NLGN1: variants seen among roughly 807,000 people sequenced by gnomAD.
NLGN1 encodes neuroligin-1.
A neutral mutation model predicts 65.5 loss-of-function variants in NLGN1; 12 were observed. The ratio of observed to expected loss-of-function variants is 0.18; its 90% confidence interval spans 0.12 to 0.30. NLGN1 has a LOEUF of 0.30. Ranked by LOEUF, NLGN1 falls within the 10% of genes least tolerant of loss-of-function variation. The probability of loss-of-function intolerance (pLI) is 1.00; values close to 1 mark genes in which losing one functional copy is unlikely to be tolerated. For missense variants in NLGN1, 750 were observed against 1,007.1 expected (o/e 0.74, Z 3.46); for synonymous variants, 350 against 359.5 (o/e 0.97, Z 0.30).
chr3:173,659,971 T>C (rs756602129), intron 3 of NLGN1, among the ~76,000 whole-genome samples: 30 of 152,002 alleles, frequency 2.0e-4, no homozygotes. Context: ...ATTCTGAATT[T>C]ACATACTTGT....
intron 2 of NLGN1, among the ~76,000 whole-genome samples, chr3:173,576,487 A>G (rs1392644866): frequency 6.6e-6 from 1 of 152,152 alleles, no homozygotes; most frequent in African/African-American, 2.4e-5. Flanking sequence ...CCTAGAGACC[A>G]CCTGTTTTCC....
At chr3:173,744,947 C>T (rs755402785) in intron 3 of NLGN1, among the ~76,000 whole-genome samples, 1 of 152,086 alleles carries the variant, frequency 6.6e-6, no homozygotes, top group Non-Finnish European at 1.5e-5. Flanking sequence ...CTGTCAACTT[C>T]AGTTGTTCCC....
intron 2 of NLGN1, among the ~76,000 whole-genome samples, chr3:173,556,899 A>AT (rs1269994731): frequency 3.9e-5 from 6 of 152,022 alleles, no homozygotes; most frequent in South Asian, 4.1e-4. Flanking sequence ...ATTGAAACTT[A>AT]TTTTTTGCCC....
At chr3:173,471,675 C>T (rs964350858) in intron 2 of NLGN1, among the ~76,000 whole-genome samples, 18 of 152,146 alleles carry the variant, frequency 1.2e-4, no homozygotes, top group African/African-American at 4.1e-4. Flanking sequence ...TAACAATAGA[C>T]TTTTAGAGAA....
At chr3:173,485,631 A>T (rs1252581661) in intron 2 of NLGN1, among the ~76,000 whole-genome samples, 1 of 152,126 alleles carries the variant, frequency 6.6e-6, no homozygotes, top group Non-Finnish European at 1.5e-5. Flanking sequence ...CAGCTACATA[A>T]TTTTCTGCAA....
intron 3 of NLGN1, among the ~76,000 whole-genome samples, chr3:173,730,703 G>A (rs572962057): frequency 2.0e-5 from 3 of 151,622 alleles, no homozygotes; most frequent in Admixed American, 6.6e-5. Flanking sequence ...TTCCTCACAC[G>A]CTGCAAATAA....
intron 2 of NLGN1, among the ~76,000 whole-genome samples, chr3:173,564,924 T>A (rs1405475242): frequency 2.0e-5 from 3 of 152,208 alleles, no homozygotes; most frequent in Non-Finnish European, 4.4e-5. Flanking sequence ...ATTAACCACC[T>A]CTATTTGCTG....
chr3:173,872,951 A>G (rs1346555796), intron 4 of NLGN1, among the ~76,000 whole-genome samples: 2 of 152,038 alleles, frequency 1.3e-5, no homozygotes, highest in African/African-American at 4.8e-5. Flanking sequence ...AGGATGTGAA[A>G]CGATCTTAGA....
At chr3:174,024,412 C>T (rs1391091792) in intron 4 of NLGN1, among the ~76,000 whole-genome samples, 5 of 152,050 alleles carry the variant, frequency 3.3e-5, no homozygotes, top group African/African-American at 9.7e-5. Flanking sequence ...AATAGGTTAT[C>T]TGCTATGTCG....
chr3:173,439,415 C>T (rs77524295), intron 2 of NLGN1, among the ~76,000 whole-genome samples: 3,309 of 152,000 alleles, frequency 0.022, 52 homozygotes, highest in South Asian at 0.041. Flanking sequence ...GCGTTATGCT[C>T]CTATTCCCAT....
intron 4 of NLGN1, among the ~76,000 whole-genome samples, chr3:173,908,546 A>G (rs888721268): frequency 6.6e-6 from 1 of 152,070 alleles, no homozygotes; most frequent in African/African-American, 2.4e-5. Flanking sequence ...CAATATAGTA[A>G]TTTCTATCCC....
At position 174,082,717 on chromosome 3, in the gene NLGN1, T is replaced by A. The variant is rs566922615; in HGVS notation, c.647-192598T>A. On this transcript the variant is annotated intron_variant, in intron 4 of 6. Coordinates refer to ENST00000457714, the Ensembl canonical transcript of NLGN1. Reference sequence around the variant, plus strand: ...TTTTACGTGTGTGACAGAATTTCTGTTCATTTTTTTCTTTTTTTTTGAAAC... The same window carrying A: ...TTTTACGTGTGTGACAGAATTTCTGATCATTTTTTTCTTTTTTTTTGAAAC... Among the ~76,000 whole-genome samples, 22 of 152,136 alleles carry A rather than the reference T, an allele frequency of 1.4e-4. No homozygotes were observed. In the South Asian group the frequency reaches 4.4e-3, roughly 30 times the overall value.
At chr3:173,873,234 G>A (rs372542799) in intron 4 of NLGN1, among the ~76,000 whole-genome samples, 4 of 151,946 alleles carry the variant, frequency 2.6e-5, no homozygotes, top group African/African-American at 9.7e-5. Flanking sequence ...GATTACAGGT[G>A]CATGCCACCA....
intron 3 of NLGN1, among the ~76,000 whole-genome samples, chr3:173,635,504 G>T (rs1429117878): frequency 6.6e-6 from 1 of 152,080 alleles, no homozygotes; most frequent in East Asian, 1.9e-4. Flanking sequence ...TGTCGAAAGA[G>T]AAAAACAGTC....
At chr3:173,859,714 G>A (rs1240548375) in intron 4 of NLGN1, among the ~76,000 whole-genome samples, 1 of 151,812 alleles carries the variant, frequency 6.6e-6, no homozygotes, top group East Asian at 1.9e-4. Context: ...GGTAGTAGTG[G>A]AACCAAATAA....
intron 2 of NLGN1, among the ~76,000 whole-genome samples, chr3:173,492,926 T>C (rs1729419762): frequency 6.6e-6 from 1 of 151,786 alleles, no homozygotes; most frequent in South Asian, 2.1e-4. Flanking sequence ...TTAGGAATCC[T>C]GGGTAGAAGG....
At position 173,522,330 on chromosome 3, in the gene NLGN1, C is replaced by T. The variant is rs117731438; in HGVS notation, c.-320-81949C>T. Among the ~76,000 whole-genome samples, 462 of 152,290 alleles carry T rather than the reference C, an allele frequency of 3.0e-3. 9 individuals are homozygous for T. The East Asian group carries it at 0.064, about 21-fold the overall frequency. On this transcript the variant is annotated intron_variant, in intron 2 of 6. Transcript: ENST00000457714. ...ACAGTATTCCATGGTGTATCCATACCACATTTTGTTTATCCAGTCCACCAC... is the reference window on the plus strand; with the variant it reads ...ACAGTATTCCATGGTGTATCCATACTACATTTTGTTTATCCAGTCCACCAC...
intron 2 of NLGN1, among the ~76,000 whole-genome samples, chr3:173,593,244 C>A (rs1748845784): frequency 6.6e-6 from 1 of 152,066 alleles, no homozygotes; most frequent in Admixed American, 6.6e-5. Context: ...ATTTTTGATT[C>A]AAGGGTACAT....
At chr3:174,012,705 A>G (rs573572822) in intron 4 of NLGN1, among the ~76,000 whole-genome samples, 4 of 152,326 alleles carry the variant, frequency 2.6e-5, no homozygotes, top group Non-Finnish European at 5.9e-5. Flanking sequence ...AATATTGGTC[A>G]TAGCTGAGCC....
Sources: gnomAD v4.1 joint callset for allele counts (sites outside exome capture counted in the v4.1 genomes callset) on GRCh38, gnomAD v4.1.1 for gene constraint, MANE v1.5 for transcripts, NCBI Gene and HGNC (gene_info 2026-07-23, HGNC 2026-07-21) for gene names.